Variants in IQGAP2 observed in about 807,000 individuals in gnomAD.
IQGAP2 encodes the protein IQ motif containing GTPase activating protein 2.
Under a neutral mutation model 201.3 loss-of-function variants are expected in IQGAP2, and 173 were observed. The ratio of observed to expected loss-of-function variants is 0.86; its 90% CI spans 0.76 to 0.98. IQGAP2 has a LOEUF of 0.98. Among genes scored for constraint, IQGAP2 ranks in the 50% least tolerant of loss-of-function variants. The probability of loss-of-function intolerance (pLI) is 0.00; values close to 1 mark genes in which losing one functional copy is unlikely to be tolerated. For synonymous variants in IQGAP2, 675 were observed against 673.9 expected, an observed-to-expected ratio of 1.00 and a Z score of -0.03; for missense variants, 1,687 against 1,864.8, an observed-to-expected ratio of 0.90 and a Z score of 1.76.
chr5:76,682,403 T>A (rs935892244), intron 28 of IQGAP2, among the ~76,000 whole-genome samples: 4 of 151,890 alleles, frequency 2.6e-5, no homozygotes, highest in African/African-American at 9.7e-5. Flanking sequence ...CAAAAACAGA[T>A]GTGTCGCTGT....
chr5:76,670,014 G>A (rs1744160565), intron 23 of IQGAP2, among the ~76,000 whole-genome samples: 1 of 152,078 alleles, frequency 6.6e-6, no homozygotes, highest in Non-Finnish European at 1.5e-5. Context: ...GTAGAGAAGA[G>A]GTTTCACCAT....
chr5:76,512,630 G>C (rs2150184094), intron 2 of IQGAP2, among the ~76,000 whole-genome samples: 1 of 152,316 alleles, frequency 6.6e-6, no homozygotes, highest in African/African-American at 2.4e-5. Context: ...ATGTTACCTA[G>C]TGGCAACTGA....
intron 13 of IQGAP2, among the ~76,000 whole-genome samples, chr5:76,612,566 G>A (rs1748499576): frequency 6.6e-6 from 1 of 152,174 alleles, no homozygotes; most frequent in Admixed American, 6.6e-5. Flanking sequence ...GAGACTACAT[G>A]CAGCTCAGGT....
chr5:76,547,883 G>A (rs1438500118), intron 2 of IQGAP2, among the ~76,000 whole-genome samples: 2 of 152,124 alleles, frequency 1.3e-5, no homozygotes, highest in Non-Finnish European at 2.9e-5. Context: ...TTCCTGCAGG[G>A]TGTCACATCC....
chr5:76,620,434 G>C (rs184319978), intron 13 of IQGAP2, among the ~76,000 whole-genome samples: 126 of 152,296 alleles, frequency 8.3e-4, no homozygotes, highest in African/African-American at 3.0e-3. Flanking sequence ...TTCTACTCTA[G>C]ATGACTTGGA....
At chr5:76,441,046 A>G (rs1753002100) in intron 1 of IQGAP2, among the ~76,000 whole-genome samples, 1 of 151,108 alleles carries the variant, frequency 6.6e-6, no homozygotes, top group Non-Finnish European at 1.5e-5. Flanking sequence ...AAAAAAAAAA[A>G]GGAGTAGGGC....
intron 31 of IQGAP2, chr5:76,693,721 C>A: frequency 8.2e-6 from 2 of 244,718 alleles, no homozygotes; most frequent in Non-Finnish European, 1.6e-5. Context: ...CGGAAATGTT[C>A]ATCATAATGG....
At chr5:76,429,581 T>TA in intron 1 of IQGAP2, among the ~76,000 whole-genome samples, 1 of 120,916 alleles carries the variant, frequency 8.3e-6, no homozygotes, top group Admixed American at 8.5e-5. Flanking sequence ...CAAAAAAAAA[T>TA]TTATATATAT....
At chr5:76,458,017 T>C (rs1754207160) in intron 1 of IQGAP2, among the ~76,000 whole-genome samples, 1 of 152,212 alleles carries the variant, frequency 6.6e-6, no homozygotes, top group Non-Finnish European at 1.5e-5. Context: ...GAAAAGAATT[T>C]TGAAGCCACT....
rs145246341 is a variant in IQGAP2 at position 76,689,529 on chromosome 5, T to C, written c.3906-3826T>C. Among the ~76,000 whole-genome samples the C allele has an allele frequency of 2.2e-3, 334 of 152,298 alleles. 6 individuals are homozygous for C. The highest frequency in any genetic ancestry group is 0.02 in the Admixed American group (300 of 15,298). The stretch of plus-strand genomic sequence containing the variant: ...AAATATGTGATCCTTATGGCCTTAA[T>C]TAAGCTTAGTTTCCCACAAAAGTAT... On this transcript the variant is annotated intron_variant, in intron 30 of 35. Coordinates refer to ENST00000274364, the MANE Select transcript of IQGAP2 (RefSeq NM_006633.5).
chr5:76,475,884 A>G lies in IQGAP2; in HGVS notation c.146+14215A>G, dbSNP rs6892495. ...GGGGAGGATTTCCTTTGGCCTCTGC[A>G]TGGGAAACAGGGACTCCAGGGTGTT... On this transcript the variant is annotated intron_variant, in intron 2 of 35. Transcript: ENST00000274364. 1.3e-3 allele frequency among the ~76,000 whole-genome samples: 204 copies of G among 152,220 alleles called. 1 individual carries two copies. The highest frequency in any genetic ancestry group is 4.7e-3 in the African/African-American group (194 of 41,532).
In IQGAP2 at chr5:76,403,380, C is replaced by G; in HGVS notation, c.-166C>G. The G allele has an allele frequency of 2.2e-6, 1 of 451,318 alleles. No homozygotes were observed. The highest frequency in any genetic ancestry group is 6.1e-5 in the South Asian group (1 of 16,324). The allele number at this position is 451,318 out of a possible 1,614,324, so 28.0% of individuals were successfully genotyped here. ...CAGCGCGCGGCGGCCGTGGCTGGCT[C>G]TGGCGAGAGAGCACCGAGGGAGTGG... is the stretch of plus-strand genomic sequence containing the variant. On this transcript the variant is annotated 5_prime_UTR_variant, in exon 1 of 36. Coordinates refer to ENST00000274364, the MANE Select transcript of IQGAP2 (RefSeq NM_006633.5). This position sits in a 1 kb window ranked among gnomAD's most constrained non-coding sequence, Gnocchi z 4.8.
intron 35 of IQGAP2, among the ~76,000 whole-genome samples, chr5:76,704,354 A>G (rs370825960): frequency 2.7e-5 from 4 of 150,436 alleles, no homozygotes; most frequent in East Asian, 3.9e-4. Context: ...TGACCAGGAG[A>G]CACCTTATAT....
At chr5:76,437,209 G>A (rs763501444) in intron 1 of IQGAP2, among the ~76,000 whole-genome samples, 1 of 151,908 alleles carries the variant, frequency 6.6e-6, no homozygotes, top group Non-Finnish European at 1.5e-5. Context: ...CCACCACCAT[G>A]CCCAGCTAAT....
chr5:76,642,907 T>C (rs533286154), intron 17 of IQGAP2, among the ~76,000 whole-genome samples: 14 of 152,306 alleles, frequency 9.2e-5, no homozygotes, highest in African/African-American at 3.4e-4. Context: ...CAAGTGCTTA[T>C]GGAGTTAACT....
intron 13 of IQGAP2, chr5:76,615,885 TG>T (rs1207613613): frequency 1.3e-5 from 2 of 152,672 alleles, no homozygotes; most frequent in African/African-American, 4.8e-5. Flanking sequence ...CTTACTTTTT[TG>T]TATGCCCAAC....
At chr5:76,458,451 C>G (rs1347989578) in intron 1 of IQGAP2, among the ~76,000 whole-genome samples, 1 of 152,204 alleles carries the variant, frequency 6.6e-6, no homozygotes, top group Non-Finnish European at 1.5e-5. Flanking sequence ...TGCAGGCAGT[C>G]TCTGTGGCCC....
intron 1 of IQGAP2, among the ~76,000 whole-genome samples, chr5:76,457,706 G>A (rs111251207): frequency 0.013 from 2,007 of 152,236 alleles, 43 homozygotes; most frequent in African/African-American, 0.046. Context: ...GATTTTGTAC[G>A]TGTTCTTTGG....
In IQGAP2 at chr5:76,683,161, TACTG is replaced by T; in HGVS notation, c.3709_3712del (p.Leu1237ValfsTer33). 6.2e-7 allele frequency: 1 copy of T among 1,613,086 alleles called. No homozygotes were observed. ...GCAATTGCCCCTGAGAAAAATGACT[TACTG>T]AGTGAATTGCTGGGGTCGCTGGGAG... is the stretch of plus-strand genomic sequence containing the variant. On this transcript the variant is annotated frameshift_variant, in exon 29 of 36. Transcript: ENST00000274364. LOFTEE classifies it high-confidence loss of function.
Sources: gnomAD v4.1 joint callset for allele counts (sites outside exome capture counted in the v4.1 genomes callset) on GRCh38, gnomAD v4.1.1 for gene constraint, Gnocchi (gnomAD v3.1) non-coding constraint, MANE v1.5 for transcripts, NCBI Gene and HGNC (gene_info 2026-07-23, HGNC 2026-07-21) for gene names.